DNAJC1: variants seen among roughly 807,000 people sequenced by gnomAD.
The protein encoded by DNAJC1 is dnaJ homolog subfamily C member 1.
In DNAJC1, 58 loss-of-function variants were observed where a neutral mutation model predicts 76.6. That is an observed-to-expected ratio of 0.76 (90% CI 0.61 to 0.94). The LOEUF is 0.94. DNAJC1 is among the 40% of genes least tolerant of loss of function. DNAJC1 has a pLI of 0.00. For missense variants in DNAJC1, 689 were observed against 677.3 expected (o/e 1.02, Z -0.19); for synonymous variants, 258 against 267.9 (o/e 0.96, Z 0.36).
intron 8 of DNAJC1, among the ~76,000 whole-genome samples, chr10:21,834,775 G>A (rs1380482455): frequency 2.0e-5 from 3 of 152,188 alleles, no homozygotes; most frequent in Non-Finnish European, 2.9e-5. Flanking sequence ...GCTGGGGGAG[G>A]GGCACCCGCC....
intron 9 of DNAJC1, among the ~76,000 whole-genome samples, chr10:21,769,707 C>T (rs189479782): frequency 6.6e-6 from 1 of 152,184 alleles, no homozygotes; most frequent in Admixed American, 6.5e-5. Flanking sequence ...TCTTTTGAGA[C>T]AGAGTTTCTG....
intron 8 of DNAJC1, among the ~76,000 whole-genome samples, chr10:21,870,314 T>C (rs1836082356): frequency 6.6e-6 from 1 of 152,084 alleles, no homozygotes; most frequent in African/African-American, 2.4e-5. Flanking sequence ...CTTGATTTTT[T>C]AAAAACTTAG....
intron 1 of DNAJC1, among the ~76,000 whole-genome samples, chr10:21,970,082 T>C (rs2131827434): frequency 6.6e-6 from 1 of 152,326 alleles, no homozygotes; most frequent in East Asian, 1.9e-4. Flanking sequence ...TTTTAACAAT[T>C]TATTTGTATT....
intron 8 of DNAJC1, among the ~76,000 whole-genome samples, chr10:21,810,241 C>T (rs1834943155): frequency 6.6e-6 from 1 of 152,232 alleles, no homozygotes; most frequent in East Asian, 1.9e-4. Flanking sequence ...TGAATTTATA[C>T]AATACATAGA....
Position 21,792,159 on chromosome 10 carries a change from A to G in DNAJC1, c.1098+13821T>C, listed in dbSNP as rs569780937. On this transcript the variant is annotated intron_variant, in intron 9 of 11. Transcript: ENST00000376980. ...AATCCCTAGAAATTACTAAAATTTA[A>G]TCAAGAAGAAATAGAAAATCTGAAT... is the stretch of plus-strand genomic sequence containing the variant. 3.3e-5 allele frequency among the ~76,000 whole-genome samples: 5 copies of G among 152,352 alleles called. No individual in the cohort carries two copies. The East Asian group carries it at 9.6e-4, about 29-fold the overall frequency.
chr10:21,989,563 G>C (rs987308903), intron 1 of DNAJC1, among the ~76,000 whole-genome samples: 2 of 152,124 alleles, frequency 1.3e-5, no homozygotes, highest in South Asian at 4.1e-4. Context: ...AGCCAGGCTT[G>C]CTGCTTGAAA....
intron 9 of DNAJC1, among the ~76,000 whole-genome samples, chr10:21,768,059 T>C (rs1554884799): frequency 6.6e-6 from 1 of 152,112 alleles, no homozygotes; most frequent in Non-Finnish European, 1.5e-5. Context: ...CTTCATGCAA[T>C]CTCTATCCTG....
chr10:21,980,191 T>C (rs1838132361), intron 1 of DNAJC1, among the ~76,000 whole-genome samples: 1 of 152,064 alleles, frequency 6.6e-6, no homozygotes, highest in Non-Finnish European at 1.5e-5. Flanking sequence ...TTGAACAAAC[T>C]ATATACACAT....
intron 6 of DNAJC1, among the ~76,000 whole-genome samples, chr10:21,917,482 T>G (rs540357993): frequency 6.6e-6 from 1 of 152,042 alleles, no homozygotes; most frequent in Non-Finnish European, 1.5e-5. Flanking sequence ...GGTTTGCCTA[T>G]TGCACGGATT....
intron 1 of DNAJC1, among the ~76,000 whole-genome samples, chr10:21,930,916 A>T (rs780104363): frequency 1.3e-5 from 2 of 152,226 alleles, no homozygotes; most frequent in Non-Finnish European, 2.9e-5. Flanking sequence ...TATATTTCAT[A>T]CAAAATAATA....
At chr10:21,984,552 C>T (rs897463894) in intron 1 of DNAJC1, among the ~76,000 whole-genome samples, 4 of 152,144 alleles carry the variant, frequency 2.6e-5, no homozygotes, top group Non-Finnish European at 4.4e-5. Flanking sequence ...GCCACCACTA[C>T]CTGTAAAGAA....
intron 7 of DNAJC1, among the ~76,000 whole-genome samples, chr10:21,891,173 G>C (rs957769180): frequency 6.6e-6 from 1 of 152,060 alleles, no homozygotes. Flanking sequence ...CTGGGCAACA[G>C]AGTGAGACTC....
intron 1 of DNAJC1, among the ~76,000 whole-genome samples, chr10:21,931,578 T>G (rs552789098): frequency 7.2e-5 from 11 of 152,314 alleles, no homozygotes; most frequent in African/African-American, 2.6e-4. Flanking sequence ...TTGGGCTGAG[T>G]AACTTCCCAA....
chr10:21,757,905 C>T (rs1834194658), intron 11 of DNAJC1, among the ~76,000 whole-genome samples: 2 of 152,162 alleles, frequency 1.3e-5, no homozygotes, highest in South Asian at 4.1e-4. Flanking sequence ...TCTGGGTGTT[C>T]TATCCTTAGG....
chr10:21,805,700 G>A (rs1182310995), intron 9 of DNAJC1, among the ~76,000 whole-genome samples: 3 of 152,078 alleles, frequency 2.0e-5, no homozygotes, highest in Non-Finnish European at 2.9e-5. Context: ...AGTTAAAGGG[G>A]TCACTATAAA....
At chr10:21,964,539 C>T (rs1404878998) in intron 1 of DNAJC1, among the ~76,000 whole-genome samples, 1 of 152,076 alleles carries the variant, frequency 6.6e-6, no homozygotes, top group Non-Finnish European at 1.5e-5. Flanking sequence ...TCCTATTTAC[C>T]ATCTTTACAA....
chr10:21,850,242 T>C (rs578123273), intron 8 of DNAJC1, among the ~76,000 whole-genome samples: 2 of 152,234 alleles, frequency 1.3e-5, no homozygotes, highest in South Asian at 4.1e-4. Flanking sequence ...AAAAAACTAG[T>C]AGAATTAACA....
At chr10:21,850,755 C>T (rs1835738471) in intron 8 of DNAJC1, among the ~76,000 whole-genome samples, 1 of 152,090 alleles carries the variant, frequency 6.6e-6, no homozygotes, top group African/African-American at 2.4e-5. Context: ...AGAATTCACA[C>T]TTCCTGATTT....
rs1590032028 is a variant in DNAJC1, at chr10:21,884,595, T to C, written c.821-2156A>G. Among the ~76,000 whole-genome samples, 3 of 152,230 alleles carry C rather than the reference T, an allele frequency of 2.0e-5. 1 individual carries two copies. Among genetic ancestry groups the C allele is most frequent in the Admixed American group, 2.0e-4 (3 of 15,290 alleles). ...TAACTGTATGTGGGTATGTATGTATTTGTGTGTGTATGACTATTTACTATT... is the reference window on the plus strand; with the variant it reads ...TAACTGTATGTGGGTATGTATGTATCTGTGTGTGTATGACTATTTACTATT... On this transcript the variant is annotated intron_variant, in intron 7 of 11. Transcript: ENST00000376980.
Sources: gnomAD v4.1 joint callset for allele counts (sites outside exome capture counted in the v4.1 genomes callset) on GRCh38, gnomAD v4.1.1 for gene constraint, MANE v1.5 for transcripts, NCBI Gene and HGNC (gene_info 2026-07-23, HGNC 2026-07-21) for gene names.